COL4A1: variants seen among roughly 807,000 people sequenced by gnomAD.
COL4A1 encodes collagen type IV alpha 1 chain, also known as collagen alpha-1(IV) chain.
A neutral mutation model predicts 216.6 loss-of-function variants in COL4A1; 40 were observed. That is an observed-to-expected ratio of 0.18 (90% CI 0.14 to 0.24). The LOEUF is 0.24. Among genes scored for constraint, COL4A1 ranks in the 10% least tolerant of loss-of-function variants. The pLI, the probability that COL4A1 is intolerant of heterozygous loss-of-function variation, is 1.00. For missense variants in COL4A1, 1,628 were observed against 2,196.8 expected, an observed-to-expected ratio of 0.74 and a Z score of 5.18; for synonymous variants, 839 against 810.7, an observed-to-expected ratio of 1.03 and a Z score of -0.59.
rs541717323 is a variant in COL4A1, at chr13:110,168,616, C to G, written c.3876+1013G>C. On this transcript the variant is annotated intron_variant, in intron 43 of 51. Transcript: ENST00000375820. Reference sequence around the variant, plus strand: ...ATTGTTTTGCACCCAGCAAGCTTAGCTATTCTGTATCCATCCTTGAGAAAG... The same window carrying G: ...ATTGTTTTGCACCCAGCAAGCTTAGGTATTCTGTATCCATCCTTGAGAAAG... Among the ~76,000 whole-genome samples the G allele has an allele frequency of 1.6e-4, 24 of 152,350 alleles. No individual in the cohort carries two copies. The South Asian group carries it at 5.0e-3, about 32-fold the overall frequency.
chr13:110,170,270 C>A (rs187811799), intron 42 of COL4A1, among the ~76,000 whole-genome samples: 4 of 152,272 alleles, frequency 2.6e-5, no homozygotes, highest in Admixed American at 1.3e-4. Flanking sequence ...CCAAGTGCTG[C>A]GCTGGTTTAA....
At chr13:110,288,525 A>G (rs1394214566) in intron 1 of COL4A1, among the ~76,000 whole-genome samples, 2 of 152,176 alleles carry the variant, frequency 1.3e-5, no homozygotes, top group Non-Finnish European at 2.9e-5. Context: ...CCACTTCACT[A>G]TATCTATTTT....
chr13:110,215,451 C>T (rs562468695), intron 2 of COL4A1, among the ~76,000 whole-genome samples: 1 of 151,750 alleles, frequency 6.6e-6, no homozygotes, highest in African/African-American at 2.4e-5. Context: ...ATCTCAGTTA[C>T]TCAGGAGGCT....
intron 20 of COL4A1, among the ~76,000 whole-genome samples, chr13:110,200,595 C>T (rs1054594120): frequency 2.0e-5 from 3 of 152,108 alleles, no homozygotes; most frequent in Non-Finnish European, 4.4e-5. Flanking sequence ...TACATCAGAG[C>T]TGGGCAGAAT....
intron 1 of COL4A1, among the ~76,000 whole-genome samples, chr13:110,293,022 C>T (rs1413115873): frequency 6.6e-6 from 1 of 152,156 alleles, no homozygotes; most frequent in Non-Finnish European, 1.5e-5. Context: ...TCTCAATTCC[C>T]ACCTACACAA....
chr13:110,187,021 A>G (rs1878432612), intron 25 of COL4A1, 117 bp downstream of exon 25: 4 of 1,335,138 alleles, frequency 3.0e-6, no homozygotes, highest in Admixed American at 1.7e-5. Context: ...AAACAAGTTC[A>G]TTTGTGCCAT....
Position 110,260,159 on chromosome 13 carries a change from T to TTTATAAA in COL4A1, c.85-17426_85-17425insTTTATAA, listed in dbSNP as rs1256631873. Among the ~76,000 whole-genome samples, 479 of 152,262 alleles carry TTTATAAA rather than the reference T, an allele frequency of 3.1e-3. 6 individuals carry two copies. The highest frequency in any genetic ancestry group is 0.011 in the African/African-American group (452 of 41,534). ...TAATTTATAAAGAAAAAAGGTTTAATGAACTCACAGTTCCACATGGCTGGG... is the reference window on the plus strand; with the variant it reads ...TAATTTATAAAGAAAAAAGGTTTAATTTATAAAGAACTCACAGTTCCACATGGCTGGG... On this transcript the variant is annotated intron_variant, in intron 1 of 51. Coordinates refer to ENST00000375820, the MANE Select transcript of COL4A1 (RefSeq NM_001845.6).
chr13:110,303,623 C>G (rs1884577860), intron 1 of COL4A1, among the ~76,000 whole-genome samples: 1 of 152,210 alleles, frequency 6.6e-6, no homozygotes. Context: ...CTATTTCTCC[C>G]TCATATTTCA....
chr13:110,241,700 T>C (rs1173483350), intron 2 of COL4A1, among the ~76,000 whole-genome samples: 1 of 152,242 alleles, frequency 6.6e-6, no homozygotes, highest in Non-Finnish European at 1.5e-5. Flanking sequence ...CTATCAGGCA[T>C]ATTTTTTAAA....
chr13:110,157,463 C>T (rs1032490662), intron 49 of COL4A1, among the ~76,000 whole-genome samples: 2 of 152,302 alleles, frequency 1.3e-5, no homozygotes, highest in Admixed American at 6.5e-5. Context: ...CCTGAGAAGT[C>T]GTGGAAACCA....
chr13:110,291,183 C>T (rs185604155), intron 1 of COL4A1, among the ~76,000 whole-genome samples: 10 of 152,332 alleles, frequency 6.6e-5, no homozygotes, highest in African/African-American at 1.9e-4. Flanking sequence ...AAAAGTACAC[C>T]GATGCCAAGT....
At chr13:110,243,740 A>C (rs1318384245) in intron 1 of COL4A1, among the ~76,000 whole-genome samples, 3 of 152,262 alleles carry the variant, frequency 2.0e-5, no homozygotes, top group Non-Finnish European at 4.4e-5. Flanking sequence ...GGTGCCACGC[A>C]CAGTCAGCGA....
At chr13:110,245,292 G>A (rs1041480861) in intron 1 of COL4A1, among the ~76,000 whole-genome samples, 6 of 152,180 alleles carry the variant, frequency 3.9e-5, no homozygotes, top group Non-Finnish European at 8.8e-5. Context: ...CTGGGATTAT[G>A]CCACTGCCCA....
At chr13:110,160,895 G>A (rs1396760667) in intron 49 of COL4A1, 10 of 399,756 alleles carry the variant, frequency 2.5e-5, no homozygotes, top group Non-Finnish European at 4.7e-5. Context: ...TTTTTGTGGA[G>A]ATGAAGTCTC....
intron 1 of COL4A1, among the ~76,000 whole-genome samples, chr13:110,283,097 C>T (rs1051779264): frequency 4.6e-5 from 7 of 152,174 alleles, no homozygotes; most frequent in Non-Finnish European, 5.9e-5. Flanking sequence ...TCAGTTCTCT[C>T]CTTACCATGT....
intron 1 of COL4A1, among the ~76,000 whole-genome samples, chr13:110,254,902 A>G (rs184705549): frequency 6.6e-6 from 1 of 152,350 alleles, no homozygotes; most frequent in Non-Finnish European, 1.5e-5. Context: ...TAGCAATTTA[A>G]TGAGCACTTA....
At chr13:110,252,721 A>G (rs1052070788) in intron 1 of COL4A1, among the ~76,000 whole-genome samples, 5 of 50,684 alleles carry the variant, frequency 9.9e-5, no homozygotes, top group African/African-American at 1.5e-4. Flanking sequence ...TATTATACAT[A>G]TAATTATAAG....
chr13:110,176,549 A>T, intron 35 of COL4A1, 36 bp from the exon 36 acceptor site: 1 of 1,595,128 alleles, frequency 6.3e-7, no homozygotes, highest in South Asian at 1.1e-5. Flanking sequence ...ACAGGTTGAC[A>T]TCTACAGAAA....
chr13:110,168,741 G>T (rs558680299), intron 43 of COL4A1, among the ~76,000 whole-genome samples: 7 of 152,144 alleles, frequency 4.6e-5, no homozygotes, highest in Non-Finnish European at 1.5e-5. Flanking sequence ...AACCCCGCTT[G>T]CTCCAACATA....
Sources: allele counts gnomAD v4.1 joint callset (sites outside exome capture counted in the v4.1 genomes callset), GRCh38; gene constraint gnomAD v4.1.1; transcripts MANE v1.5; gene names NCBI Gene and HGNC (gene_info 2026-07-23, HGNC 2026-07-21).